The following MAPK10 variants were observed in gnomAD, a reference collection of about 807,000 sequenced individuals.
The protein encoded by MAPK10 is mitogen-activated protein kinase 10.
In MAPK10, 25 loss-of-function variants were observed where a neutral mutation model predicts 59.3. The ratio of observed to expected loss-of-function variants is 0.42; its 90% confidence interval spans 0.31 to 0.59. The LOEUF is 0.59. Among genes scored for constraint, MAPK10 ranks in the 20% least tolerant of loss-of-function variants. The pLI, the probability that MAPK10 is intolerant of heterozygous loss-of-function variation, is 0.15. For synonymous variants in MAPK10, 190 were observed against 200.5 expected (o/e 0.95, Z 0.44); for missense variants, 351 against 568.9 (o/e 0.62, Z 3.90).
chr4:86,117,862 A>G (rs2058523452), intron 4 of MAPK10: 1 of 152,184 alleles, frequency 6.6e-6, no homozygotes, highest in Non-Finnish European at 1.5e-5. Flanking sequence ...ATAATAGAGT[A>G]GCCATGGCAA....
chr4:86,501,292 T>C (rs1024934461), intron 1 of MAPK10, among the ~76,000 whole-genome samples: 11 of 152,064 alleles, frequency 7.2e-5, no homozygotes, highest in African/African-American at 2.7e-4. Flanking sequence ...CTATTTTATA[T>C]ATAGTCTTCA....
chr4:86,163,088 G>A (rs949389834), intron 3 of MAPK10, among the ~76,000 whole-genome samples: 1 of 152,000 alleles, frequency 6.6e-6, no homozygotes, highest in African/African-American at 2.4e-5. Flanking sequence ...TGGAAGTTAG[G>A]GAAGATGTTC....
At chr4:86,499,298 T>A (rs1034190729) in intron 1 of MAPK10, among the ~76,000 whole-genome samples, 1 of 152,192 alleles carries the variant, frequency 6.6e-6, no homozygotes, top group East Asian at 1.9e-4. Flanking sequence ...TCAGAGGAGA[T>A]TTACACTGCC....
At chr4:86,226,359 G>A (rs1258777863) in intron 2 of MAPK10, among the ~76,000 whole-genome samples, 2 of 152,144 alleles carry the variant, frequency 1.3e-5, no homozygotes, top group African/African-American at 4.8e-5. Flanking sequence ...AGTTCATAGT[G>A]CATTTTAAAA....
intron 3 of MAPK10, among the ~76,000 whole-genome samples, chr4:86,168,102 C>G (rs1310025616): frequency 1.3e-5 from 2 of 152,334 alleles, no homozygotes; most frequent in African/African-American, 2.4e-5. Context: ...CTAATAGGAA[C>G]AGCTCCAGTC....
intron 2 of MAPK10, among the ~76,000 whole-genome samples, chr4:86,235,259 G>A (rs1023052074): frequency 1.3e-5 from 2 of 152,090 alleles, no homozygotes; most frequent in African/African-American, 4.8e-5. Flanking sequence ...ATTCTTACTC[G>A]ATCAAAAGGG....
intron 11 of MAPK10, among the ~76,000 whole-genome samples, chr4:86,053,142 C>T (rs1169705395): frequency 6.6e-6 from 1 of 152,122 alleles, no homozygotes; most frequent in African/African-American, 2.4e-5. Context: ...GGCTGCTCAC[C>T]AAATAATTCT....
chr4:86,546,209 C>G (rs969779625), intron 1 of MAPK10, among the ~76,000 whole-genome samples: 4 of 150,426 alleles, frequency 2.7e-5, no homozygotes, highest in African/African-American at 9.8e-5. Flanking sequence ...GACAACAGAG[C>G]GAGACTCTTG....
Position 86,431,920 on chromosome 4 carries a change from C to T in MAPK10, c.-122+21110G>A, listed in dbSNP as rs149410192. 4.7e-3 allele frequency among the ~76,000 whole-genome samples: 709 copies of T among 152,248 alleles called. 1 individual carries two copies. The highest frequency in any genetic ancestry group is 5.2e-3 in the Non-Finnish European group (355 of 68,028). On this transcript the variant is annotated intron_variant, in intron 1 of 13. Transcript: ENST00000361569. ...AAAGGTGAAGCAGAGGACATGAAAA[C>T]TCTCTCTGTGTATCCTCCTTACACT...
chr4:86,073,655 A>T (rs893742112), intron 9 of MAPK10, among the ~76,000 whole-genome samples: 1 of 110,724 alleles, frequency 9.0e-6, no homozygotes. Context: ...TTATGTACCC[A>T]GTAGTCATTC....
chr4:86,067,814 T>C lies in MAPK10; in HGVS notation c.944A>G (p.Asp315Gly). 1.2e-6 allele frequency: 2 copies of C among 1,613,864 alleles called. No individual in the cohort carries two copies. ...AGLTFPKLFP[D>G]SLFPADSEHN... ...CTCGGAGTCCGCTGGGAAGAGGGAA[T>C]CTGGGAAGAGTTTGGGGAAGGTGAG... is the stretch of plus-strand genomic sequence containing the variant. The change falls in exon 10 of 14, where the codon GAT becomes GGT. Residue 315 changes from aspartate (D) to glycine (G), a missense_variant. Physicochemically the swap from Asp to Gly is moderately conservative, Grantham distance 94. Around this residue, in one of 5 missense-constraint regions of MAPK10, gnomAD observed 155 missense variants for 204.2 expected, o/e 0.76. Coordinates refer to ENST00000641462, the MANE Select transcript of MAPK10 (RefSeq NM_138982.4).
Position 86,256,909 on chromosome 4 carries a change from C to A in MAPK10, c.-6-62502G>T, listed in dbSNP as rs534961822. ...GCGCCCGCCATTGCGCCCGCCATTG[C>A]GCCCGTCTAATTTTTTGTATTTTTA... On this transcript the variant is annotated intron_variant, in intron 2 of 13. Coordinates refer to ENST00000641462, the MANE Select transcript of MAPK10 (RefSeq NM_138982.4). Among the ~76,000 whole-genome samples the A allele has an allele frequency of 8.7e-5, 11 of 127,022 alleles. No homozygotes were observed. The East Asian group carries it at 2.2e-3, about 26-fold the overall frequency. 83.3% of individuals were successfully genotyped at this position (127,022 alleles called of 152,430 possible).
intron 4 of MAPK10, among the ~76,000 whole-genome samples, chr4:86,139,706 T>C (rs530440834): frequency 3.3e-5 from 5 of 152,078 alleles, no homozygotes; most frequent in Non-Finnish European, 5.9e-5. Context: ...ACTAAAGAGC[T>C]TCTGCACAGC....
intron 4 of MAPK10, among the ~76,000 whole-genome samples, chr4:86,128,326 T>G (rs1463890279): frequency 6.6e-6 from 1 of 152,128 alleles, no homozygotes; most frequent in African/African-American, 2.4e-5. Flanking sequence ...CATCTTGAAT[T>G]GTAGTTCCCA....
intron 1 of MAPK10, among the ~76,000 whole-genome samples, chr4:86,580,626 C>G (rs1190649726): frequency 6.6e-6 from 1 of 152,008 alleles, no homozygotes; most frequent in African/African-American, 2.4e-5. Flanking sequence ...TTAAAAAAAT[C>G]CTGAGATAGT....
At chr4:86,541,344 A>G (rs527943480) in intron 1 of MAPK10, among the ~76,000 whole-genome samples, 1 of 152,282 alleles carries the variant, frequency 6.6e-6, no homozygotes, top group East Asian at 1.9e-4. Context: ...GAACAAACCC[A>G]TAGGCAAAAT....
chr4:86,484,973 T>C (rs1001944840), intron 1 of MAPK10, among the ~76,000 whole-genome samples: 3 of 152,216 alleles, frequency 2.0e-5, no homozygotes, highest in African/African-American at 7.2e-5. Flanking sequence ...GTCAGGAGTC[T>C]GAATTAAATA....
chr4:86,269,748 T>C (rs2094372223), intron 2 of MAPK10, among the ~76,000 whole-genome samples: 1 of 152,114 alleles, frequency 6.6e-6, no homozygotes, highest in African/African-American at 2.4e-5. Flanking sequence ...AATCACAGAT[T>C]ATAAGAAAGC....
chr4:86,249,814 T>G (rs1422506671), intron 2 of MAPK10, among the ~76,000 whole-genome samples: 1 of 152,190 alleles, frequency 6.6e-6, no homozygotes. Flanking sequence ...TAATGACAAC[T>G]GCAGTCAAGA....
Sources: allele counts gnomAD v4.1 joint callset (sites outside exome capture counted in the v4.1 genomes callset), GRCh38; gene constraint gnomAD v4.1.1; regional missense constraint gnomAD v4.1.1; transcripts MANE v1.5; gene names NCBI Gene and HGNC (gene_info 2026-07-23, HGNC 2026-07-21).